GPR63: variants seen among roughly 807,000 people sequenced by gnomAD.
GPR63 encodes probable G protein-coupled receptor 63.
GPR63 carries 12 observed loss-of-function variants against 23.1 expected under a neutral mutation model. That is an observed-to-expected ratio of 0.52 (90% CI 0.33 to 0.84). GPR63 has a LOEUF of 0.84. Ranked by LOEUF, GPR63 falls within the 40% of genes least tolerant of loss-of-function variation. The pLI, the probability that GPR63 is intolerant of heterozygous loss-of-function variation, is 0.02. For missense variants in GPR63, 472 were observed against 515.6 expected, an observed-to-expected ratio of 0.92 and a Z score of 0.82; for synonymous variants, 172 against 191.1, an observed-to-expected ratio of 0.90 and a Z score of 0.82.
intron 1 of GPR63, among the ~76,000 whole-genome samples, chr6:96,818,644 C>T (rs150319481): frequency 4.2e-4 from 64 of 152,166 alleles, no homozygotes; most frequent in African/African-American, 1.4e-3. Flanking sequence ...TGAAGAAAAG[C>T]TGTATACATA....
rs750539040 is a variant in GPR63 at position 96,798,920 on chromosome 6, T to C, written c.812A>G (p.His271Arg). Residue 271 changes from histidine to arginine, a missense_variant, in exon 2 of 2, where the codon CAC becomes CGC. By Grantham distance (29) the His-to-Arg change is conservative. Transcript: ENST00000229955. ...SFMGILNTLR[H>R]NALRIHSYPE... ...GTAGCTATGGATCCTCAAGGCATTG[T>C]GCCGAAGGGTGTTGAGTATGCCCAT... The C allele has an allele frequency of 6.2e-6, 10 of 1,614,156 alleles. No individual in the cohort carries two copies. Among genetic ancestry groups the C allele is most frequent in the Non-Finnish European group, 8.5e-6 (10 of 1,180,032 alleles).
chr6:96,808,763 CTTTT>C (rs920523054), intron 1 of GPR63, among the ~76,000 whole-genome samples: 105 of 152,018 alleles, frequency 6.9e-4, no homozygotes, highest in African/African-American at 2.4e-3. Flanking sequence ...GGGCCAGCTT[CTTTT>C]TTTTATTTTA....
intron 1 of GPR63, among the ~76,000 whole-genome samples, chr6:96,834,226 G>A (rs370697292): frequency 6.6e-6 from 1 of 152,140 alleles, no homozygotes; most frequent in Non-Finnish European, 1.5e-5. Flanking sequence ...ATGGCATACC[G>A]CCTCAAGCCA....
intron 1 of GPR63, among the ~76,000 whole-genome samples, chr6:96,804,865 TA>T (rs1323904596): frequency 1.3e-5 from 2 of 152,200 alleles, no homozygotes; most frequent in Non-Finnish European, 2.9e-5. Flanking sequence ...TTAATGTAGT[TA>T]TGTAAATAGT....
chr6:96,827,269 A>G (rs1220648294), intron 1 of GPR63, among the ~76,000 whole-genome samples: 1 of 152,164 alleles, frequency 6.6e-6, no homozygotes, highest in Non-Finnish European at 1.5e-5. Context: ...ATTAAAAACT[A>G]AATCGACAAA....
chr6:96,827,199 T>C (rs1774462044), intron 1 of GPR63, among the ~76,000 whole-genome samples: 3 of 151,968 alleles, frequency 2.0e-5, no homozygotes, highest in Admixed American at 2.0e-4. Flanking sequence ...TGGTTAGAAT[T>C]ATGACCAGAA....
chr6:96,814,159 T>C (rs1021170851), intron 1 of GPR63, among the ~76,000 whole-genome samples: 1 of 151,750 alleles, frequency 6.6e-6, no homozygotes, highest in Non-Finnish European at 1.5e-5. Context: ...ATTATATATG[T>C]ATAAAACCTT....
intron 1 of GPR63, among the ~76,000 whole-genome samples, chr6:96,823,955 G>A (rs1024165079): frequency 2.6e-5 from 4 of 152,002 alleles, no homozygotes; most frequent in South Asian, 2.1e-4. Context: ...ACACTATGAC[G>A]TTAACACAAT....
chr6:96,819,258 T>G (rs1261663277), intron 1 of GPR63, among the ~76,000 whole-genome samples: 1 of 152,148 alleles, frequency 6.6e-6, no homozygotes, highest in African/African-American at 2.4e-5. Flanking sequence ...AGCAAAGACT[T>G]GGAACCAAAC....
chr6:96,830,515 C>T (rs1451669765), intron 1 of GPR63, among the ~76,000 whole-genome samples: 1 of 151,924 alleles, frequency 6.6e-6, no homozygotes, highest in African/African-American at 2.4e-5. Context: ...GAGGTAAGTA[C>T]CAGGTATTAA....
chr6:96,820,122 T>G (rs185782851), intron 1 of GPR63, among the ~76,000 whole-genome samples: 1 of 149,830 alleles, frequency 6.7e-6, no homozygotes, highest in African/African-American at 2.5e-5. Context: ...AAAATCTTCT[T>G]GAACATTTCA....
intron 1 of GPR63, among the ~76,000 whole-genome samples, chr6:96,816,575 T>C (rs1774170682): frequency 6.6e-6 from 1 of 152,154 alleles, no homozygotes; most frequent in Non-Finnish European, 1.5e-5. Flanking sequence ...AAATGAAGTA[T>C]AGAAAAGTGA....
At chr6:96,830,939 C>T (rs1774564376) in intron 1 of GPR63, among the ~76,000 whole-genome samples, 1 of 151,984 alleles carries the variant, frequency 6.6e-6, no homozygotes, top group South Asian at 2.1e-4. Flanking sequence ...ATATTATTGA[C>T]AGAAAGAAAG....
At chr6:96,801,720 C>T (rs1239387111) in intron 1 of GPR63, among the ~76,000 whole-genome samples, 1 of 152,172 alleles carries the variant, frequency 6.6e-6, no homozygotes, top group Non-Finnish European at 1.5e-5. Context: ...AACTTTACTA[C>T]TTGCGTTCAC....
intron 1 of GPR63, among the ~76,000 whole-genome samples, chr6:96,809,287 G>GTA (rs1162318959): frequency 6.6e-6 from 1 of 152,054 alleles, no homozygotes; most frequent in African/African-American, 2.4e-5. Flanking sequence ...AAATGACCCT[G>GTA]TATTCAGAGT....
chr6:96,794,641 A>G lies in GPR63; in HGVS notation c.*3831T>C, dbSNP rs1003517855. ...AAAAGGTTATTTTTATTTTACTTCA[A>G]TGCTTGCATTGAACACAACTGGCAG... On this transcript the variant is annotated 3_prime_UTR_variant, in exon 2 of 2. Transcript: ENST00000229955. 15 of 152,346 alleles carry G rather than the reference A, an allele frequency of 9.8e-5. No individual in the cohort carries two copies. The highest frequency in any genetic ancestry group is 2.6e-4 in the African/African-American group (11 of 41,590). The allele number at this position is 152,346 out of a possible 1,614,324, so 9.4% of individuals were successfully genotyped here.
intron 1 of GPR63, among the ~76,000 whole-genome samples, chr6:96,833,167 T>C (rs188136168): frequency 4.7e-4 from 72 of 152,258 alleles, no homozygotes; most frequent in Non-Finnish European, 7.9e-4. Context: ...ATGAAAAGAA[T>C]GGATCTTACT....
rs760636463 is a variant in GPR63, at chr6:96,802,023, T to G, written c.-150-2142A>C. Among the ~76,000 whole-genome samples, 51 of 152,214 alleles carry G rather than the reference T, an allele frequency of 3.4e-4. 1 individual carries two copies. Among genetic ancestry groups the G allele is most frequent in the Non-Finnish European group, 2.2e-4 (15 of 68,032 alleles). On this transcript the variant is annotated intron_variant, in intron 1 of 1. Transcript: ENST00000229955. Reference sequence around the variant, plus strand: ...TACCTCCATAGAGGTAGAGGTAATTTCTCTAGAAAAATTATAAATAGACAA... The same window carrying G: ...TACCTCCATAGAGGTAGAGGTAATTGCTCTAGAAAAATTATAAATAGACAA...
chr6:96,826,493 T>C (rs1296015806), intron 1 of GPR63, among the ~76,000 whole-genome samples: 3 of 152,150 alleles, frequency 2.0e-5, no homozygotes, highest in Non-Finnish European at 4.4e-5. Context: ...TGCTATCATA[T>C]TGTAATACAT....
Sources: allele counts gnomAD v4.1 joint callset (sites outside exome capture counted in the v4.1 genomes callset), GRCh38; gene constraint gnomAD v4.1.1; transcripts MANE v1.5; gene names NCBI Gene and HGNC (gene_info 2026-07-23, HGNC 2026-07-21).